The following VPS8 variants were observed in gnomAD, a reference collection of about 807,000 sequenced individuals.
The protein encoded by VPS8 is vacuolar protein sorting-associated protein 8 homolog.
In VPS8, 129 loss-of-function variants were observed where a neutral mutation model predicts 216.4. The observed-to-expected ratio is 0.60, with a 90% CI of 0.52 to 0.69. The LOEUF (loss-of-function observed/expected upper bound fraction) is 0.69. Among genes scored for constraint, VPS8 ranks in the 30% least tolerant of loss-of-function variants. The pLI, the probability that VPS8 is intolerant of heterozygous loss-of-function variation, is 0.00. For synonymous variants in VPS8, 571 were observed against 565.4 expected (o/e 1.01, Z -0.14); for missense variants, 1,531 against 1,683.5 (o/e 0.91, Z 1.59).
intron 24 of VPS8, 133 bp from the exon 25 acceptor site, chr3:184,900,788 G>A: frequency 1.4e-6 from 1 of 735,146 alleles, no homozygotes; most frequent in South Asian, 2.0e-5. Context: ...ACAGATTAAA[G>A]GTTTTCATAT....
chr3:184,837,716 TA>T (rs1172468262), intron 5 of VPS8, among the ~76,000 whole-genome samples: 2 of 152,154 alleles, frequency 1.3e-5, no homozygotes, highest in Non-Finnish European at 2.9e-5. Flanking sequence ...TGAGAGATGA[TA>T]ATAATTGACC....
intron 22 of VPS8, among the ~76,000 whole-genome samples, chr3:184,887,792 G>T (rs531432496): frequency 4.2e-4 from 64 of 152,250 alleles, no homozygotes; most frequent in Admixed American, 2.0e-3. Flanking sequence ...AAAAGGTTGG[G>T]TCATACTTTG....
chr3:184,906,260 C>CT (rs909345550), intron 25 of VPS8, among the ~76,000 whole-genome samples: 2 of 151,918 alleles, frequency 1.3e-5, no homozygotes, highest in South Asian at 2.1e-4. Flanking sequence ...TTGATTTCTA[C>CT]TTTTTTTTGT....
intron 45 of VPS8, among the ~76,000 whole-genome samples, chr3:185,018,661 A>G (rs1190113391): frequency 1.3e-5 from 2 of 152,232 alleles, no homozygotes; most frequent in South Asian, 2.1e-4. Context: ...CAGTCCCATT[A>G]CAAGAGGAGA....
Position 184,824,597 on chromosome 3 carries a change from G to T in VPS8, c.-36G>T. The T allele has an allele frequency of 1.3e-6, 2 of 1,584,458 alleles. No homozygotes were observed. The highest frequency in any genetic ancestry group is 1.7e-6 in the Non-Finnish European group (2 of 1,163,086). On this transcript the variant is annotated 5_prime_UTR_variant, in exon 2 of 48. Coordinates refer to ENST00000625842, the MANE Select transcript of VPS8 (RefSeq NM_001009921.3). ...AAGGCCAAACAAACAAAAAACACTT[G>T]CTTTGATGGACTGAATACTGTTATT... is the stretch of plus-strand genomic sequence containing the variant.
chr3:184,853,197 G>A (rs928868962), intron 11 of VPS8, among the ~76,000 whole-genome samples: 8 of 152,092 alleles, frequency 5.3e-5, no homozygotes, highest in African/African-American at 1.9e-4. Flanking sequence ...CTAGATCCCA[G>A]AGTTATAGCT....
In VPS8 at chr3:184,943,911, G is replaced by A. The variant is rs536289924; in HGVS notation, c.3035+3668G>A. ...GAGGTCAGGAGTTCGAGACCAACCT[G>A]GCCAGCATGGTGAAACCCCGTCTTT... On this transcript the variant is annotated intron_variant, in intron 36 of 47. Transcript: ENST00000625842. Among the ~76,000 whole-genome samples the A allele has an allele frequency of 1.1e-3, 165 of 152,296 alleles. 2 individuals are homozygous for A. The highest frequency in any genetic ancestry group is 2.1e-3 in the Non-Finnish European group (144 of 68,038).
intron 24 of VPS8, among the ~76,000 whole-genome samples, chr3:184,899,801 A>T (rs1412419289): frequency 5.9e-5 from 9 of 152,210 alleles, no homozygotes. Context: ...TTCTGCATTG[A>T]CAAGATGATT....
intron 5 of VPS8, 123 bp from the exon 6 acceptor site, chr3:184,838,591 A>G (rs1483524762): frequency 2.7e-6 from 2 of 751,048 alleles, no homozygotes; most frequent in East Asian, 3.0e-5. Context: ...GGGGGCAAAA[A>G]TAAAGGTTCT....
Position 184,819,185 on chromosome 3 carries a change from C to T in VPS8, c.-88-5360C>T, listed in dbSNP as rs78074138. 4.4e-3 allele frequency among the ~76,000 whole-genome samples: 669 copies of T among 152,156 alleles called. 7 individuals are homozygous for T. Among genetic ancestry groups the T allele is most frequent in the African/African-American group, 0.015 (627 of 41,480 alleles). On this transcript the variant is annotated intron_variant, in intron 1 of 47. Coordinates refer to ENST00000625842, the MANE Select transcript of VPS8 (RefSeq NM_001009921.3). Reference sequence around the variant, plus strand: ...AATTAAGAGGAAATAACAGAATTATCAAGATGTCAGATAATCTTATGTCTG... The same window carrying T: ...AATTAAGAGGAAATAACAGAATTATTAAGATGTCAGATAATCTTATGTCTG...
intron 23 of VPS8, among the ~76,000 whole-genome samples, chr3:184,897,148 C>T (rs865862232): frequency 2.0e-5 from 3 of 152,102 alleles, no homozygotes; most frequent in Non-Finnish European, 4.4e-5. Flanking sequence ...GCACCCTGTG[C>T]TTTAGGGGTA....
intron 46 of VPS8, among the ~76,000 whole-genome samples, chr3:185,038,769 TG>T (rs1012382440): frequency 2.0e-5 from 3 of 152,148 alleles, no homozygotes; most frequent in Non-Finnish European, 4.4e-5. Context: ...CCAGTCTAGT[TG>T]TTGAATGCTG....
intron 45 of VPS8, among the ~76,000 whole-genome samples, chr3:185,009,523 A>G (rs1016236147): frequency 3.9e-5 from 6 of 152,178 alleles, no homozygotes; most frequent in Non-Finnish European, 5.9e-5. Flanking sequence ...CTTTGGCCAG[A>G]TATGTTTCAG....
intron 46 of VPS8, among the ~76,000 whole-genome samples, chr3:185,030,435 G>A (rs1757958994): frequency 6.6e-6 from 1 of 152,156 alleles, no homozygotes; most frequent in Non-Finnish European, 1.5e-5. Flanking sequence ...AGGTGCTCTG[G>A]CTGAAGACTA....
rs766475959 is a variant in VPS8, at chr3:184,817,932, A to G, written c.-89+5707A>G. Among the ~76,000 whole-genome samples, 43 of 152,210 alleles carry G rather than the reference A, an allele frequency of 2.8e-4. 1 individual carries two copies. The highest frequency in any genetic ancestry group is 2.1e-4 in the South Asian group (1 of 4,832). ...AGCCAAGCCACTGTTTTAAAAGAAG[A>G]CATGTTTTCTGAATTCAGAGGATGG... On this transcript the variant is annotated intron_variant, in intron 1 of 47. Transcript: ENST00000625842.
At chr3:184,911,711 A>G (rs554449920) in intron 25 of VPS8, among the ~76,000 whole-genome samples, 1 of 152,290 alleles carries the variant, frequency 6.6e-6, no homozygotes, top group Admixed American at 6.5e-5. Flanking sequence ...TTCCACATGA[A>G]TAGACTCCCT....
At chr3:184,957,615 T>G in intron 37 of VPS8, 94 bp downstream of exon 37, 1 of 1,393,512 alleles carries the variant, frequency 7.2e-7, no homozygotes, top group Non-Finnish European at 9.5e-7. Flanking sequence ...AATATATAAT[T>G]TCTTTTTTAA....
intron 46 of VPS8, among the ~76,000 whole-genome samples, chr3:185,031,569 C>G (rs574070228): frequency 6.6e-6 from 1 of 152,132 alleles, no homozygotes; most frequent in Non-Finnish European, 1.5e-5. Context: ...CCTTTAGACA[C>G]CTGGAGGGCA....
intron 43 of VPS8, among the ~76,000 whole-genome samples, chr3:184,995,976 G>A (rs181941173): frequency 3.9e-5 from 6 of 152,322 alleles, no homozygotes; most frequent in Admixed American, 2.6e-4. Flanking sequence ...CATTCAGAGA[G>A]CAGTTATTAT....
Sources: allele counts gnomAD v4.1 joint callset (sites outside exome capture counted in the v4.1 genomes callset), GRCh38; gene constraint gnomAD v4.1.1; transcripts MANE v1.5; gene names NCBI Gene and HGNC (gene_info 2026-07-23, HGNC 2026-07-21).